SVOP: variants seen among roughly 807,000 people sequenced by gnomAD.
The protein encoded by SVOP is synaptic vesicle 2-related protein.
Under a neutral mutation model 69.1 loss-of-function variants are expected in SVOP, and 17 were observed. The ratio of observed to expected loss-of-function variants is 0.25; its 90% CI spans 0.17 to 0.37. The LOEUF (loss-of-function observed/expected upper bound fraction) is 0.37, where lower values mean the gene tolerates loss of function less well. SVOP is among the 10% of genes least tolerant of loss of function. SVOP has a pLI of 1.00. For synonymous variants in SVOP, 238 were observed against 238.6 expected, an observed-to-expected ratio of 1.00 and a Z score of 0.02; for missense variants, 435 against 597.5, an observed-to-expected ratio of 0.73 and a Z score of 2.84.
At chr12:108,977,541 T>C (rs2040113434) in intron 3 of SVOP, 45 bp from the exon 4 acceptor site, 2 of 1,396,142 alleles carry the variant, frequency 1.4e-6, no homozygotes, top group Admixed American at 2.0e-5. Context: ...TGCTGCTTGG[T>C]GCTGGGGAAG....
chr12:108,939,512 TA>T (rs1293890419), intron 8 of SVOP, among the ~76,000 whole-genome samples: 1 of 152,164 alleles, frequency 6.6e-6, no homozygotes, highest in African/African-American at 2.4e-5. Flanking sequence ...TACATTTCTG[TA>T]AAAATGGAGC....
At chr12:108,940,750 C>G (rs148418906) in intron 8 of SVOP, 34 bp downstream of exon 8, 16 of 1,531,098 alleles carry the variant, frequency 1.0e-5, no homozygotes, top group Admixed American at 7.9e-5. Context: ...AGATGTCAGA[C>G]AGCAAAAGGT....
rs1389304721 is a variant in SVOP, at chr12:108,975,494, G to A, written c.381+1904C>T. Among the ~76,000 whole-genome samples the A allele has an allele frequency of 3.9e-5, 6 of 152,184 alleles. 1 individual carries two copies. Among genetic ancestry groups the A allele is most frequent in the Admixed American group, 2.0e-4 (3 of 15,278 alleles). On this transcript the variant is annotated intron_variant, in intron 4 of 15. Transcript: ENST00000610966. Reference sequence around the variant, plus strand: ...GCTGTCTGGGCTTGTGCAAGTCAATGCCCCTCTCTAAGCCTCAGTTTCCTT... The same window carrying A: ...GCTGTCTGGGCTTGTGCAAGTCAATACCCCTCTCTAAGCCTCAGTTTCCTT...
At chr12:108,955,286 A>G (rs984293848) in intron 6 of SVOP, among the ~76,000 whole-genome samples, 9 of 152,292 alleles carry the variant, frequency 5.9e-5, no homozygotes, top group African/African-American at 2.2e-4. Flanking sequence ...CCTTCCAGCC[A>G]CGAGGGGAAA....
chr12:108,934,169 C>G (rs1410813832), intron 11 of SVOP, 26 bp downstream of exon 11: 2 of 1,581,578 alleles, frequency 1.3e-6, no homozygotes, highest in Non-Finnish European at 1.7e-6. Context: ...GAGTAGTTAG[C>G]TGGCAAAGAC....
Position 108,940,919 on chromosome 12 carries a change from G to A in SVOP, c.643-10C>T, listed in dbSNP as rs1363753179. The A allele has an allele frequency of 2.6e-6, 4 of 1,536,100 alleles. No individual in the cohort carries two copies. The highest frequency in any genetic ancestry group is 3.5e-6 in the Non-Finnish European group (4 of 1,146,034). On this transcript the variant is annotated splice_polypyrimidine_tract_variant and intron_variant, in intron 7 of 15. Coordinates refer to ENST00000610966, the MANE Select transcript of SVOP (RefSeq NM_018711.5). ...CGATGGCCCAGAATACCTGGCACAGGAGAATCAGGGTCAGTGGTGGGGGTA... is the reference window on the plus strand; with the variant it reads ...CGATGGCCCAGAATACCTGGCACAGAAGAATCAGGGTCAGTGGTGGGGGTA...
chr12:109,000,223 A>C (rs1389762652), intron 1 of SVOP, among the ~76,000 whole-genome samples: 1 of 151,756 alleles, frequency 6.6e-6, no homozygotes, highest in Non-Finnish European at 1.5e-5. Context: ...GAAATGGATA[A>C]ATTCCTCGAC....
At chr12:108,960,676 A>T (rs563123765) in intron 6 of SVOP, among the ~76,000 whole-genome samples, 5 of 152,304 alleles carry the variant, frequency 3.3e-5, no homozygotes, top group Admixed American at 1.3e-4. Flanking sequence ...TCAATGCTAG[A>T]TGCATTATCA....
In SVOP at chr12:108,908,538, C is replaced by A. The variant is rs928246619; in HGVS notation, c.*3997G>T. On this transcript the variant is annotated 3_prime_UTR_variant, in exon 16 of 16. Transcript: ENST00000610966. The stretch of plus-strand genomic sequence containing the variant: ...CAGCTGGAAGGGAGTTGCAGCCCCC[C>A]CCTGCAGACAGGGCTGGTGTTTCTC... 1 of 152,190 alleles carries A rather than the reference C, an allele frequency of 6.6e-6. No individual in the cohort carries two copies. The highest frequency in any genetic ancestry group is 1.5e-5 in the Non-Finnish European group (1 of 68,044). 9.4% of individuals were successfully genotyped at this position (152,190 alleles called of 1,614,324 possible).
At chr12:108,922,918 A>C in intron 11 of SVOP, 121 bp from the exon 12 acceptor site, 1 of 675,890 alleles carries the variant, frequency 1.5e-6, no homozygotes, top group Non-Finnish European at 2.6e-6. Context: ...AAGAGCCCAG[A>C]CTCAGAGACA....
Position 108,960,937 on chromosome 12 carries a change from T to C in SVOP, c.564A>G (p.Gly188=), listed in dbSNP as rs1323504800. The C allele has an allele frequency of 6.5e-7, 1 of 1,536,930 alleles. No homozygotes were observed. Residue 188 remains glycine (G), a synonymous_variant, in exon 6 of 16, where the codon GGA becomes GGG. Transcript: ENST00000610966. The part of the protein sequence containing the change: ...VLRGLVGFGI[G]GVPQSVTLYA... ...TATTTACTTACGACTGGGGAACTCCTCCGATCCCGAAGCCCACCAGGCCCC... is the reference window on the plus strand; with the variant it reads ...TATTTACTTACGACTGGGGAACTCCCCCGATCCCGAAGCCCACCAGGCCCC...
In SVOP at chr12:108,912,195, G is replaced by T; in HGVS notation, c.*340C>A. The T allele has an allele frequency of 8.6e-7, 1 of 1,167,234 alleles. No individual in the cohort carries two copies. The highest frequency in any genetic ancestry group is 2.5e-5 in the South Asian group (1 of 40,708). The allele number at this position is 1,167,234 out of a possible 1,614,324, so 72.3% of individuals were successfully genotyped here. On this transcript the variant is annotated 3_prime_UTR_variant, in exon 16 of 16. Transcript: ENST00000610966. ...GTATCTACAGAGAGATATTTTGGTT[G>T]TTCACTGAGGGTTTGGCCGGGTGAC...
intron 4 of SVOP, among the ~76,000 whole-genome samples, chr12:108,975,460 C>T (rs2040101250): frequency 6.6e-6 from 1 of 152,202 alleles, no homozygotes; most frequent in Non-Finnish European, 1.5e-5. Context: ...TCAATTCTGC[C>T]TCTTACAGGC....
chr12:108,958,326 C>T (rs182898081), intron 6 of SVOP, among the ~76,000 whole-genome samples: 42 of 148,024 alleles, frequency 2.8e-4, no homozygotes, highest in African/African-American at 1.0e-3. Flanking sequence ...TAATTTAATA[C>T]TGTGTTTCTA....
At chr12:108,969,775 G>A (rs533118990) in intron 5 of SVOP, among the ~76,000 whole-genome samples, 2 of 144,680 alleles carry the variant, frequency 1.4e-5, no homozygotes, top group South Asian at 4.4e-4. Flanking sequence ...CTTCCAAACA[G>A]AAAATCACCA....
In SVOP at chr12:108,910,591, GGGC is replaced by G. The variant is rs2039675976; in HGVS notation, c.*1941_*1943del. 1 of 152,268 alleles carries G rather than the reference GGGC, an allele frequency of 6.6e-6. No individual in the cohort carries two copies. The highest frequency in any genetic ancestry group is 1.5e-5 in the Non-Finnish European group (1 of 68,062). The allele number at this position is 152,268 out of a possible 1,614,324, so 9.4% of individuals were successfully genotyped here. ...CAAGCCATCTCCTCTTCAACTGCCT[GGGC>G]GGAGGGGGCTGCAGCCCACATTTTA... On this transcript the variant is annotated 3_prime_UTR_variant, in exon 16 of 16. Transcript: ENST00000610966.
chr12:109,009,838 G>C (rs1449155037), intron 1 of SVOP, among the ~76,000 whole-genome samples: 2 of 152,186 alleles, frequency 1.3e-5, no homozygotes, highest in African/African-American at 4.8e-5. Flanking sequence ...GAGGAGGCCA[G>C]AAATGCTGCT....
At chr12:108,964,229 T>C (rs1297287558) in intron 5 of SVOP, among the ~76,000 whole-genome samples, 1 of 151,958 alleles carries the variant, frequency 6.6e-6, no homozygotes. Flanking sequence ...AGAAGAAAGA[T>C]ATTAAGTACA....
chr12:109,020,029 T>G (rs2040387889), intron 1 of SVOP, among the ~76,000 whole-genome samples: 1 of 152,172 alleles, frequency 6.6e-6, no homozygotes, highest in South Asian at 2.1e-4. Context: ...AATGTTCTTT[T>G]TAATGCCCCC....
Sources: gnomAD v4.1 joint callset for allele counts (sites outside exome capture counted in the v4.1 genomes callset) on GRCh38, gnomAD v4.1.1 for gene constraint, MANE v1.5 for transcripts, NCBI Gene and HGNC (gene_info 2026-07-23, HGNC 2026-07-21) for gene names.